DYNC1I1: variants seen among roughly 807,000 people sequenced by gnomAD.
The protein encoded by DYNC1I1 is dynein cytoplasmic 1 intermediate chain 1, also known as cytoplasmic dynein 1 intermediate chain 1.
In DYNC1I1, 43 loss-of-function variants were observed where a neutral mutation model predicts 86.6. The ratio of observed to expected loss-of-function variants is 0.50; its 90% confidence interval spans 0.39 to 0.64. The LOEUF (loss-of-function observed/expected upper bound fraction) is 0.64. Among genes scored for constraint, DYNC1I1 ranks in the 30% least tolerant of loss-of-function variants. DYNC1I1 has a pLI of 0.00. For synonymous variants in DYNC1I1, 262 were observed against 283.7 expected (o/e 0.92, Z 0.77); for missense variants, 604 against 788.8 (o/e 0.77, Z 2.81).
chr7:95,885,088 T>G (rs1050597863), intron 6 of DYNC1I1, among the ~76,000 whole-genome samples: 2 of 152,248 alleles, frequency 1.3e-5, no homozygotes, highest in African/African-American at 4.8e-5. Context: ...TTAACAAATA[T>G]CTTTTCATTT....
chr7:95,907,056 C>T (rs1791194452), intron 6 of DYNC1I1, among the ~76,000 whole-genome samples: 1 of 152,182 alleles, frequency 6.6e-6, no homozygotes, highest in African/African-American at 2.4e-5. Flanking sequence ...TTAAGCTCTC[C>T]AAGCAGCTGT....
At chr7:95,832,800 A>G (rs1214999723) in intron 5 of DYNC1I1, among the ~76,000 whole-genome samples, 1 of 152,036 alleles carries the variant, frequency 6.6e-6, no homozygotes, top group African/African-American at 2.4e-5. Context: ...TCCTTTGCCC[A>G]CTTTTTGATG....
At chr7:95,774,213 G>T (rs2115600678) in intron 1 of DYNC1I1, among the ~76,000 whole-genome samples, 1 of 152,220 alleles carries the variant, frequency 6.6e-6, no homozygotes, top group East Asian at 1.9e-4. Flanking sequence ...TACAGTTGGG[G>T]GTCGAATGCA....
chr7:95,926,418 G>A (rs547671807), intron 6 of DYNC1I1, among the ~76,000 whole-genome samples: 61 of 152,232 alleles, frequency 4.0e-4, no homozygotes, highest in East Asian at 1.9e-4. Flanking sequence ...AAAAATGTAT[G>A]TGAATCTGAT....
chr7:96,009,659 C>G (rs1235846798), intron 10 of DYNC1I1, among the ~76,000 whole-genome samples: 2 of 152,194 alleles, frequency 1.3e-5, no homozygotes, highest in Admixed American at 1.3e-4. Flanking sequence ...ACCTCTCCCA[C>G]TGATCTGCTA....
chr7:95,799,468 G>C lies in DYNC1I1; in HGVS notation c.-9-5253G>C, dbSNP rs182456164. 4.6e-5 allele frequency among the ~76,000 whole-genome samples: 7 copies of C among 152,254 alleles called. No homozygotes were observed. In the South Asian group the frequency reaches 8.3e-4, roughly 18 times the overall value. ...CCCTGTAACTAACTTCCTAACTAGA[G>C]AAGAAACCATGTCTTCATATACCAA... On this transcript the variant is annotated intron_variant, in intron 1 of 16. Coordinates refer to ENST00000447467, the MANE Select transcript of DYNC1I1 (RefSeq NM_001135556.2).
At chr7:95,909,683 A>G (rs1791277254) in intron 6 of DYNC1I1, among the ~76,000 whole-genome samples, 1 of 152,138 alleles carries the variant, frequency 6.6e-6, no homozygotes, top group Non-Finnish European at 1.5e-5. Context: ...TTTTTTAAGG[A>G]AAAATTGTAT....
chr7:95,932,750 C>A (rs1322274241), intron 6 of DYNC1I1, among the ~76,000 whole-genome samples: 1 of 152,128 alleles, frequency 6.6e-6, no homozygotes, highest in African/African-American at 2.4e-5. Context: ...CTTAGCTTGT[C>A]CACTGACACT....
chr7:95,977,682 T>C (rs1793344043), intron 7 of DYNC1I1, 81 bp downstream of exon 7: 18 of 1,313,828 alleles, frequency 1.4e-5, no homozygotes, highest in Non-Finnish European at 1.9e-5. Context: ...ACTATAGAGC[T>C]AAGTAAAAAT....
intron 9 of DYNC1I1, 99 bp downstream of exon 9, chr7:95,987,254 C>A: frequency 9.5e-7 from 1 of 1,053,886 alleles, no homozygotes; most frequent in Non-Finnish European, 1.4e-6. Flanking sequence ...GATTTCCTCT[C>A]TATGCCTGTT....
intron 14 of DYNC1I1, chr7:96,055,898 C>A (rs1340344923): frequency 6.6e-6 from 1 of 152,184 alleles, no homozygotes; most frequent in Non-Finnish European, 1.5e-5. Context: ...GAATAGCTTT[C>A]TCTTCTGTCC....
chr7:95,813,386 A>C, intron 4 of DYNC1I1, 49 bp downstream of exon 4: 1 of 1,569,220 alleles, frequency 6.4e-7, no homozygotes, highest in Non-Finnish European at 8.6e-7. Flanking sequence ...ATTAAAAAAA[A>C]AAAAAAACAG....
intron 7 of DYNC1I1, among the ~76,000 whole-genome samples, chr7:95,983,970 T>C (rs1793519676): frequency 6.6e-6 from 1 of 152,148 alleles, no homozygotes. Context: ...GGTTTTTTGG[T>C]CTGGGGAGTT....
At chr7:96,084,934 G>C (rs757562373) in intron 16 of DYNC1I1, among the ~76,000 whole-genome samples, 3 of 152,128 alleles carry the variant, frequency 2.0e-5, no homozygotes, top group Non-Finnish European at 4.4e-5. Context: ...ACCCCAGTTG[G>C]AGTGGAGCGG....
At chr7:96,054,983 G>A (rs748008338) in intron 14 of DYNC1I1, among the ~76,000 whole-genome samples, 4 of 152,124 alleles carry the variant, frequency 2.6e-5, no homozygotes, top group African/African-American at 4.8e-5. Context: ...GATCTCATTT[G>A]TCAATTTTGG....
chr7:95,812,296 T>C (rs1321718742), intron 3 of DYNC1I1, among the ~76,000 whole-genome samples: 2 of 152,204 alleles, frequency 1.3e-5, no homozygotes, highest in Non-Finnish European at 2.9e-5. Flanking sequence ...TTCTCTGGCA[T>C]ATGTGATATT....
chr7:96,080,535 A>G (rs748248161), intron 16 of DYNC1I1, 47 bp downstream of exon 16: 1 of 1,613,972 alleles, frequency 6.2e-7, no homozygotes, highest in Admixed American at 1.7e-5. Flanking sequence ...TTGTGTATCT[A>G]CTTTAGAAAC....
intron 6 of DYNC1I1, among the ~76,000 whole-genome samples, chr7:95,937,730 A>G (rs1172538323): frequency 6.6e-6 from 1 of 152,030 alleles, no homozygotes; most frequent in East Asian, 1.9e-4. Context: ...AAAAATATTA[A>G]AACAAAAAAA....
At chr7:96,088,015 C>A (rs180903362) in intron 16 of DYNC1I1, among the ~76,000 whole-genome samples, 1 of 152,078 alleles carries the variant, frequency 6.6e-6, no homozygotes, top group African/African-American at 2.4e-5. Context: ...AAAGAAAAGG[C>A]GCAATTAATT....
Sources: allele counts gnomAD v4.1 joint callset (sites outside exome capture counted in the v4.1 genomes callset), GRCh38; gene constraint gnomAD v4.1.1; transcripts MANE v1.5; gene names NCBI Gene and HGNC (gene_info 2026-07-23, HGNC 2026-07-21).